PCDHGA11: variants seen among roughly 807,000 people sequenced by gnomAD.
PCDHGA11 encodes the protein protocadherin gamma subfamily A, 11.
Under a neutral mutation model 60.4 loss-of-function variants are expected in PCDHGA11, and 39 were observed. That is an observed-to-expected ratio of 0.65 (90% confidence interval 0.50 to 0.84). The LOEUF (loss-of-function observed/expected upper bound fraction) is 0.84, where lower values mean the gene tolerates loss of function less well. Ranked by LOEUF, PCDHGA11 falls within the 40% of genes least tolerant of loss-of-function variation. The probability of loss-of-function intolerance (pLI) is 0.00; values close to 1 mark genes in which losing one functional copy is unlikely to be tolerated. For missense variants in PCDHGA11, 1,165 were observed against 1,197.7 expected (o/e 0.97, Z 0.40); for synonymous variants, 533 against 510.3 (o/e 1.04, Z -0.60).
intron 1 of PCDHGA11, chr5:141,428,329 A>G (rs928788851): frequency 4.8e-6 from 3 of 627,180 alleles, no homozygotes; most frequent in South Asian, 3.5e-5. Context: ...CTTGATTTCT[A>G]TGCTCTTCTT....
rs951029522 is a variant in PCDHGA11, at chr5:141,487,944, G to A, written c.2434-6863G>A. 6.6e-6 allele frequency among the ~76,000 whole-genome samples: 1 copy of A among 152,164 alleles called. No homozygotes were observed. Among genetic ancestry groups the A allele is most frequent in the Admixed American group, 6.5e-5 (1 of 15,282 alleles). On this transcript the variant is annotated intron_variant, in intron 1 of 3. Transcript: ENST00000398587. The surrounding 1 kb of genome is among the most constrained non-coding windows in gnomAD (Gnocchi z 5.0). ...ACAGTGCACAGGGTACAGTGCACCA[G>A]GCAGTCACTTGGACAAAGGTGGCTG...
Position 141,422,686 on chromosome 5 carries a change from C to T in PCDHGA11, c.1459C>T (p.Leu487=). The change falls in exon 1 of 4, where the codon CTG becomes TTG. Residue 487 remains leucine, a synonymous_variant. Transcript: ENST00000398587. ...ALDPDSKQNA[L]VTYSLTDDTV... ...CGACCCGGACAGCAAACAGAATGCC[C>T]TGGTCACTTACTCTCTGACGGATGA... 6.2e-7 allele frequency: 1 copy of T among 1,605,000 alleles called. No individual in the cohort carries two copies. Among genetic ancestry groups the T allele is most frequent in the East Asian group, 2.2e-5 (1 of 44,866 alleles).
At position 141,511,397 on chromosome 5, in the gene PCDHGA11, C is replaced by A; in HGVS notation, c.*224C>A. ...AGCAGTTCCGCTGGGAACCCCCATC[C>A]AATCAACTGCTGTACCCATGGGGGT... On this transcript the variant is annotated 3_prime_UTR_variant, in exon 4 of 4. Coordinates refer to ENST00000398587, the MANE Select transcript of PCDHGA11 (RefSeq NM_018914.3). 1.0e-6 allele frequency: 1 copy of A among 1,002,376 alleles called. No individual in the cohort carries two copies. The highest frequency in any genetic ancestry group is 1.4e-6 in the Non-Finnish European group (1 of 705,546). 62.1% of individuals were successfully genotyped at this position (1,002,376 alleles called of 1,614,324 possible). A position where few individuals can be genotyped will look rare whatever the true frequency, so the allele number is the denominator to read the frequency against.
chr5:141,436,048 T>G (rs553708148), intron 1 of PCDHGA11, among the ~76,000 whole-genome samples: 1 of 152,316 alleles, frequency 6.6e-6, no homozygotes, highest in South Asian at 2.1e-4. Context: ...TACATTAGTT[T>G]TCAAATAGAA....
chr5:141,508,971 T>C (rs776443205), intron 3 of PCDHGA11, among the ~76,000 whole-genome samples: 14 of 152,004 alleles, frequency 9.2e-5, no homozygotes, highest in Non-Finnish European at 2.1e-4. Context: ...ATGAAAGGGC[T>C]GGGGGTGGGG....
rs370299433 is a variant in PCDHGA11 at position 141,476,360 on chromosome 5, G to A, written c.2434-18447G>A. 5.3e-5 allele frequency: 86 copies of A among 1,614,186 alleles called. No homozygotes were observed. The highest frequency in any genetic ancestry group is 6.7e-5 in the Non-Finnish European group (79 of 1,180,042). ...CCGAAGATTCTTTGAGGTGAACCGG[G>A]AGACCGGAGAGATGTTTGTGAACGA... On this transcript the variant is annotated intron_variant, in intron 1 of 3. Transcript: ENST00000398587. This position sits in a 1 kb window ranked among gnomAD's most constrained non-coding sequence, Gnocchi z 7.6.
intron 1 of PCDHGA11, among the ~76,000 whole-genome samples, chr5:141,467,372 T>C (rs1006663543): frequency 2.0e-5 from 3 of 152,072 alleles, no homozygotes; most frequent in African/African-American, 7.2e-5. Flanking sequence ...TTTTCTTATA[T>C]TGCATTTAGG....
rs770828917 is a variant in PCDHGA11 at position 141,431,306 on chromosome 5, C to G, written c.2433+7646C>G. ...GAACACTCACTTCTCCCTCATCGTG[C>G]AAAATGGAGCCGACGGTAGTAAGTA... On this transcript the variant is annotated intron_variant, in intron 1 of 3. Transcript: ENST00000398587. The surrounding 1 kb of genome is among the most constrained non-coding windows in gnomAD (Gnocchi z 4.8). 6.2e-7 allele frequency: 1 copy of G among 1,614,124 alleles called. No homozygotes were observed. The highest frequency in any genetic ancestry group is 2.2e-5 in the East Asian group (1 of 44,878).
At position 141,477,118 on chromosome 5, in the gene PCDHGA11, A is replaced by T. The variant is rs2099405787; in HGVS notation, c.2434-17689A>T. The T allele has an allele frequency of 6.2e-7, 1 of 1,614,228 alleles. No homozygotes were observed. Among genetic ancestry groups the T allele is most frequent in the Non-Finnish European group, 8.5e-7 (1 of 1,180,034 alleles). On this transcript the variant is annotated intron_variant, in intron 1 of 3. Coordinates refer to ENST00000398587, the MANE Select transcript of PCDHGA11 (RefSeq NM_018914.3). This position sits in a 1 kb window ranked among gnomAD's most constrained non-coding sequence, Gnocchi z 4.9. ...ACAAGGGCGCCAATCCCGAAGGAGC[A>T]CATTGCAAAGTGTTGGTGGAGGTTG...
At position 141,486,478 on chromosome 5, in the gene PCDHGA11, C is replaced by T; in HGVS notation, c.2434-8329C>T. The T allele has an allele frequency of 2.5e-6, 4 of 1,614,026 alleles. No homozygotes were observed. The highest frequency in any genetic ancestry group is 3.4e-6 in the Non-Finnish European group (4 of 1,179,854). On this transcript the variant is annotated intron_variant, in intron 1 of 3. Transcript: ENST00000398587. The surrounding 1 kb of genome is among the most constrained non-coding windows in gnomAD (Gnocchi z 5.0). ...CTTCTGATGCTGGGAACCCTCCTCT[C>T]AGTACCCACAGAACTATTTTCCTCA...
In PCDHGA11 at chr5:141,489,684, T is replaced by C. The variant is rs2099690710; in HGVS notation, c.2434-5123T>C. 1.2e-6 allele frequency: 2 copies of C among 1,614,062 alleles called. No individual in the cohort carries two copies. The highest frequency in any genetic ancestry group is 8.5e-7 in the Non-Finnish European group (1 of 1,180,034). On this transcript the variant is annotated intron_variant, in intron 1 of 3. Coordinates refer to ENST00000398587, the MANE Select transcript of PCDHGA11 (RefSeq NM_018914.3). This position sits in a 1 kb window ranked among gnomAD's most constrained non-coding sequence, Gnocchi z 4.5. ...TGCGCATCTCAGAATCAGCAGCATCTGGGGCACGATTCCCACTGGACAGTG... is the reference window on the plus strand; with the variant it reads ...TGCGCATCTCAGAATCAGCAGCATCCGGGGCACGATTCCCACTGGACAGTG...
chr5:141,436,406 G>T (rs1403133377), intron 1 of PCDHGA11, among the ~76,000 whole-genome samples: 3 of 152,308 alleles, frequency 2.0e-5, no homozygotes, highest in East Asian at 3.9e-4. Context: ...GTTGTTGAAT[G>T]AATGGATAAA....
In PCDHGA11 at chr5:141,487,938, G is replaced by A; in HGVS notation, c.2434-6869G>A. ...GAGGCTACAGTGCACAGGGTACAGT[G>A]CACCAGGCAGTCACTTGGACAAAGG... is the stretch of plus-strand genomic sequence containing the variant. On this transcript the variant is annotated intron_variant, in intron 1 of 3. Coordinates refer to ENST00000398587, the MANE Select transcript of PCDHGA11 (RefSeq NM_018914.3). This position sits in a 1 kb window ranked among gnomAD's most constrained non-coding sequence, Gnocchi z 5.0. 1.7e-6 allele frequency: 1 copy of A among 600,308 alleles called. No homozygotes were observed. The highest frequency in any genetic ancestry group is 2.9e-6 in the Non-Finnish European group (1 of 342,970). 37.2% of individuals were successfully genotyped at this position (600,308 alleles called of 1,614,324 possible).
At chr5:141,456,492 G>C (rs542424798) in intron 1 of PCDHGA11, among the ~76,000 whole-genome samples, 1 of 152,284 alleles carries the variant, frequency 6.6e-6, no homozygotes, top group African/African-American at 2.4e-5. Flanking sequence ...GCTTAATAAA[G>C]GGGTTAACCA....
Position 141,430,120 on chromosome 5 carries a change from G to A in PCDHGA11, c.2433+6460G>A, listed in dbSNP as rs73280905. Among the ~76,000 whole-genome samples, 1,257 of 152,134 alleles carry A rather than the reference G, an allele frequency of 8.3e-3. 17 individuals are homozygous for A. Among genetic ancestry groups the A allele is most frequent in the African/African-American group, 0.029 (1,193 of 41,506 alleles). Reference sequence around the variant, plus strand: ...TTAAGCGTTACATGTCAACAACCTGGTAAAGTAATCCTTCCATTCAGGATC... The same window carrying A: ...TTAAGCGTTACATGTCAACAACCTGATAAAGTAATCCTTCCATTCAGGATC... On this transcript the variant is annotated intron_variant, in intron 1 of 3. Coordinates refer to ENST00000398587, the MANE Select transcript of PCDHGA11 (RefSeq NM_018914.3).
Position 141,486,656 on chromosome 5 carries a change from C to A in PCDHGA11, c.2434-8151C>A. 6.2e-7 allele frequency: 1 copy of A among 1,614,020 alleles called. No homozygotes were observed. Among genetic ancestry groups the A allele is most frequent in the Non-Finnish European group, 8.5e-7 (1 of 1,180,038 alleles). On this transcript the variant is annotated intron_variant, in intron 1 of 3. Transcript: ENST00000398587. This position sits in a 1 kb window ranked among gnomAD's most constrained non-coding sequence, Gnocchi z 5.0. ...GAATGCGCTTATCTCCTACTCACTCCTGGAGCCCAGGAATCGAGATGTATC... is the reference window on the plus strand; with the variant it reads ...GAATGCGCTTATCTCCTACTCACTCATGGAGCCCAGGAATCGAGATGTATC...
chr5:141,433,843 A>C (rs2097657951), intron 1 of PCDHGA11, among the ~76,000 whole-genome samples: 1 of 151,956 alleles, frequency 6.6e-6, no homozygotes, highest in African/African-American at 2.4e-5. Context: ...ATCTCAAAAA[A>C]AAAAAAAAAA....
At chr5:141,443,344 G>T (rs1016738767) in intron 1 of PCDHGA11, among the ~76,000 whole-genome samples, 2 of 151,966 alleles carry the variant, frequency 1.3e-5, no homozygotes, top group African/African-American at 2.4e-5. Context: ...AATTAACAAG[G>T]TTTAGTGGTC....
At chr5:141,435,055 A>T (rs148331367) in intron 1 of PCDHGA11, among the ~76,000 whole-genome samples, 5 of 152,124 alleles carry the variant, frequency 3.3e-5, no homozygotes, top group Non-Finnish European at 7.4e-5. Flanking sequence ...TTGACCATGC[A>T]GCAGTTTTGT....
Sources: gnomAD v4.1 joint callset for allele counts (sites outside exome capture counted in the v4.1 genomes callset) on GRCh38, gnomAD v4.1.1 for gene constraint, Gnocchi (gnomAD v3.1) non-coding constraint, MANE v1.5 for transcripts, NCBI Gene and HGNC (gene_info 2026-07-23, HGNC 2026-07-21) for gene names.